XG: variants seen among roughly 807,000 people sequenced by gnomAD.
XG encodes Xg glycoprotein (Xg blood group), also known as glycoprotein Xg.
Under a neutral mutation model 25.7 loss-of-function variants are expected in XG, and 24 were observed. The observed-to-expected ratio is 0.93, with a 90% CI of 0.68 to 1.31. XG has a LOEUF of 1.31. XG is among the 40% of genes most tolerant of loss of function. The pLI, the probability that XG is intolerant of heterozygous loss-of-function variation, is 0.00. For missense variants in XG, 181 were observed against 187.6 expected (o/e 0.96, Z 0.21); for synonymous variants, 77 against 69.2 (o/e 1.11, Z -0.56).
At chrX:2,787,493 G>A (rs1162155666) in intron 4 of XG, among the ~76,000 whole-genome samples, 2 of 111,511 alleles carry the variant, frequency 1.8e-5, no homozygotes, top group East Asian at 2.8e-4. Flanking sequence ...TATGCAGCTC[G>A]TGCTCCGGGC....
intron 1 of XG, among the ~76,000 whole-genome samples, chrX:2,762,690 T>C (rs764243756): frequency 1.2e-3 from 177 of 152,350 alleles, no homozygotes; most frequent in African/African-American, 2.8e-3. Context: ...AGATTCCCCA[T>C]TGGGGCAGCA....
intron 1 of XG, among the ~76,000 whole-genome samples, chrX:2,758,974 A>G (rs2034907916): frequency 6.6e-6 from 1 of 152,028 alleles, no homozygotes; most frequent in South Asian, 2.1e-4. Flanking sequence ...CTTTCTACCT[A>G]CTTCTCTATC....
At chrX:2,793,436 G>A (rs1002751500) in intron 5 of XG, among the ~76,000 whole-genome samples, 3 of 112,051 alleles carry the variant, frequency 2.7e-5, no homozygotes, top group Non-Finnish European at 5.6e-5. Flanking sequence ...TCAGAGGGCA[G>A]AGGCACAGGT....
At chrX:2,789,288 C>A (rs1260283452) in intron 4 of XG, among the ~76,000 whole-genome samples, 1 of 111,779 alleles carries the variant, frequency 8.9e-6, no homozygotes, top group Admixed American at 9.6e-5. Flanking sequence ...GATGGAAATA[C>A]AACACACTAT....
In XG at chrX:2,791,833, G is replaced by A. The variant is rs759483408; in HGVS notation, c.253+2127G>A. On this transcript the variant is annotated intron_variant, in intron 5 of 10. Transcript: ENST00000644266. ...TGGATTCATGAATGAAAGACTTACC[G>A]CTACATCCCTTCATCAGGGTGTATA... is the stretch of plus-strand genomic sequence containing the variant. 5.4e-5 allele frequency among the ~76,000 whole-genome samples: 6 copies of A among 110,119 alleles called. No homozygotes were observed. The South Asian group carries it at 2.0e-3, about 37-fold the overall frequency.
At chrX:2,773,602 GGAAGGAAGGAGA>G (rs2050892912) in intron 2 of XG, among the ~76,000 whole-genome samples, 1 of 45,950 alleles carries the variant, frequency 2.2e-5, no homozygotes, top group African/African-American at 8.1e-5. Context: ...AAGGAGAGAA[GGAAGGAAGGAGA>G]GAAGGAAGGA....
At chrX:2,755,439 A>C (rs1190728409) in intron 1 of XG, among the ~76,000 whole-genome samples, 1 of 151,780 alleles carries the variant, frequency 6.6e-6, no homozygotes, top group Non-Finnish European at 1.5e-5. Flanking sequence ...TCTCATCACC[A>C]TCTGGGTTTT....
At chrX:2,765,401 G>GGAAGGAAA (rs1467765039) in intron 1 of XG, among the ~76,000 whole-genome samples, 6 of 151,504 alleles carry the variant, frequency 4.0e-5, no homozygotes, top group Admixed American at 4.0e-4. Flanking sequence ...AAGGAAGGAA[G>GGAAGGAAA]GAAGGAAGGA....
intron 1 of XG, among the ~76,000 whole-genome samples, chrX:2,767,164 G>C (rs1400332247): frequency 6.6e-6 from 1 of 152,102 alleles, no homozygotes; most frequent in Non-Finnish European, 1.5e-5. Context: ...GGGAGGCAGG[G>C]GAACTCCAAT....
intron 1 of XG, among the ~76,000 whole-genome samples, chrX:2,755,072 C>T (rs1467802968): frequency 6.6e-6 from 1 of 152,170 alleles, no homozygotes; most frequent in South Asian, 2.1e-4. Context: ...TATCCCAAGC[C>T]TTGTCTTCTG....
intron 1 of XG, among the ~76,000 whole-genome samples, chrX:2,761,287 A>G (rs989954314): frequency 2.6e-4 from 40 of 151,792 alleles, no homozygotes; most frequent in Admixed American, 3.9e-4. Context: ...ATGACCCTGT[A>G]AAGACACAGG....
chrX:2,765,898 G>A (rs765696144), intron 1 of XG, among the ~76,000 whole-genome samples: 2 of 152,324 alleles, frequency 1.3e-5, no homozygotes, highest in South Asian at 2.1e-4. Context: ...TGAAAATCAT[G>A]GACATGAAGC....
At chrX:2,775,947 T>C (rs1338633548) in intron 3 of XG, among the ~76,000 whole-genome samples, 21 of 121,708 alleles carry the variant, frequency 1.7e-4, no homozygotes, top group Non-Finnish European at 3.0e-4. Flanking sequence ...CAGAGTGAGA[T>C]TCCGTCTCAA....
chrX:2,770,578 C>A lies in XG; in HGVS notation c.90C>A (p.Ala30=). ...AAAGAGACTTTGATTTGGCAGATGCCCTTGATGACCCTGGTAAGTGCCGAT... is the reference window on the plus strand; with the variant it reads ...AAAGAGACTTTGATTTGGCAGATGCACTTGATGACCCTGGTAAGTGCCGAT... ...RGQRDFDLAD[A]LDDPEPTKKP... The change falls in exon 2 of 11, where the codon GCC becomes GCA. Residue 30 remains alanine (A), a synonymous_variant. Transcript: ENST00000644266. 6.2e-7 allele frequency: 1 copy of A among 1,613,814 alleles called. No individual in the cohort carries two copies. The highest frequency in any genetic ancestry group is 8.5e-7 in the Non-Finnish European group (1 of 1,179,838).
chrX:2,768,498 T>G (rs1345153900), intron 1 of XG, among the ~76,000 whole-genome samples: 9 of 152,186 alleles, frequency 5.9e-5, no homozygotes, highest in Non-Finnish European at 8.8e-5. Flanking sequence ...CCAGGTGCGG[T>G]GGCTCACGCC....
In XG at chrX:2,796,863, G is replaced by A. The variant is rs375807752; in HGVS notation, c.323-447G>A. ...CAATAAATAAAGAGCGCTGTCTTAG[G>A]ATTTATTACAATAACAATCAGGAAT... On this transcript the variant is annotated intron_variant, in intron 6 of 10. Coordinates refer to ENST00000644266, the MANE Select transcript of XG (RefSeq NM_001141919.2). Among the ~76,000 whole-genome samples the A allele has an allele frequency of 1.2e-3, 134 of 112,116 alleles. 1 individual carries two copies. Among genetic ancestry groups the A allele is most frequent in the South Asian group, 4.1e-3 (11 of 2,679 alleles).
intron 5 of XG, among the ~76,000 whole-genome samples, chrX:2,791,968 T>C (rs1456780587): frequency 9.0e-6 from 1 of 110,805 alleles, no homozygotes; most frequent in Non-Finnish European, 1.9e-5. Flanking sequence ...GGGATCTTTA[T>C]GTCAGAGGTT....
At chrX:2,779,214 T>TAGTC (rs1168702257) in intron 3 of XG, among the ~76,000 whole-genome samples, 1 of 151,102 alleles carries the variant, frequency 6.6e-6, no homozygotes, top group African/African-American at 2.4e-5. Flanking sequence ...ACCACGCCCA[T>TAGTC]AGTCCCAGCT....
At chrX:2,773,564 AG>A (rs2050889857) in intron 2 of XG, among the ~76,000 whole-genome samples, 2 of 104,746 alleles carry the variant, frequency 1.9e-5, no homozygotes, top group African/African-American at 3.7e-5. Context: ...GGAAGGAAGG[AG>A]AGAAGGAAGG....
Sources: gnomAD v4.1 joint callset for allele counts (sites outside exome capture counted in the v4.1 genomes callset) on GRCh38, gnomAD v4.1.1 for gene constraint, MANE v1.5 for transcripts, NCBI Gene and HGNC (gene_info 2026-07-23, HGNC 2026-07-21) for gene names.